SYN2: variants seen among roughly 807,000 people sequenced by gnomAD.
SYN2 encodes the protein synapsin-2.
In SYN2, 19 loss-of-function variants were observed where a neutral mutation model predicts 50.9. That is an observed-to-expected ratio of 0.37 (90% confidence interval 0.26 to 0.55). SYN2 has a LOEUF of 0.55. SYN2 is among the 20% of genes least tolerant of loss of function. The probability of loss-of-function intolerance (pLI) is 0.81; values close to 1 mark genes in which losing one functional copy is unlikely to be tolerated. For missense variants in SYN2, 587 were observed against 576.4 expected, an observed-to-expected ratio of 1.02 and a Z score of -0.19; for synonymous variants, 255 against 224.9, an observed-to-expected ratio of 1.13 and a Z score of -1.20.
intron 1 of SYN2, among the ~76,000 whole-genome samples, chr3:12,104,912 G>A (rs1696153198): frequency 6.6e-6 from 1 of 152,226 alleles, no homozygotes; most frequent in South Asian, 2.1e-4. Flanking sequence ...ACTTAGCGAA[G>A]AGGGAAGAGA....
chr3:12,140,408 T>C (rs954937480), intron 1 of SYN2, among the ~76,000 whole-genome samples: 2 of 152,186 alleles, frequency 1.3e-5, no homozygotes, highest in African/African-American at 4.8e-5. Context: ...ACCAGAGATG[T>C]TATAACAAAA....
chr3:12,054,861 A>G (rs1028944293), intron 1 of SYN2, among the ~76,000 whole-genome samples: 1 of 152,098 alleles, frequency 6.6e-6, no homozygotes, highest in Non-Finnish European at 1.5e-5. Context: ...TAACCCATAC[A>G]TTTGATAGTT....
intron 7 of SYN2, among the ~76,000 whole-genome samples, chr3:12,163,819 G>A (rs1697716677): frequency 6.6e-6 from 1 of 152,108 alleles, no homozygotes; most frequent in South Asian, 2.1e-4. Context: ...GCTCACATCT[G>A]TAATCCCAGC....
chr3:12,171,683 G>T (rs1039302292), intron 10 of SYN2, among the ~76,000 whole-genome samples: 1 of 152,188 alleles, frequency 6.6e-6, no homozygotes, highest in Admixed American at 6.5e-5. Flanking sequence ...CCTTGCCACT[G>T]CTTCACCAGG....
intron 1 of SYN2, among the ~76,000 whole-genome samples, chr3:12,110,670 G>A (rs1696291443): frequency 6.6e-6 from 1 of 152,190 alleles, no homozygotes; most frequent in Non-Finnish European, 1.5e-5. Context: ...TACAGCACAG[G>A]GACTCTGGCC....
At chr3:12,006,172 C>T (rs1185335118) in intron 1 of SYN2, among the ~76,000 whole-genome samples, 1 of 152,020 alleles carries the variant, frequency 6.6e-6, no homozygotes, top group Non-Finnish European at 1.5e-5. Context: ...GGAGTGCTGG[C>T]GTGTGGGTGT....
At chr3:12,053,671 T>C (rs902779960) in intron 1 of SYN2, among the ~76,000 whole-genome samples, 1 of 152,066 alleles carries the variant, frequency 6.6e-6, no homozygotes, top group African/African-American at 2.4e-5. Context: ...ACAGGACTTT[T>C]CCCCCCTAGA....
intron 12 of SYN2, among the ~76,000 whole-genome samples, chr3:12,188,733 C>T (rs1698392915): frequency 6.6e-6 from 1 of 152,132 alleles, no homozygotes; most frequent in Admixed American, 6.5e-5. Context: ...ATGGGAGGGG[C>T]ATCACCCACT....
At chr3:12,175,363 G>A (rs1480218387) in intron 10 of SYN2, among the ~76,000 whole-genome samples, 3 of 152,182 alleles carry the variant, frequency 2.0e-5, no homozygotes, top group Admixed American at 2.0e-4. Context: ...GTGAACCGAG[G>A]AACATTACCT....
chr3:12,185,549 G>C, intron 11 of SYN2: 2 of 985,860 alleles, frequency 2.0e-6, no homozygotes, highest in Non-Finnish European at 2.4e-6. Flanking sequence ...GGACATCTGT[G>C]TCACAGTATA....
intron 7 of SYN2, among the ~76,000 whole-genome samples, chr3:12,166,967 G>A (rs920705300): frequency 6.6e-6 from 1 of 152,368 alleles, no homozygotes; most frequent in South Asian, 2.1e-4. Flanking sequence ...TCTAAGGACA[G>A]TGAAAGGTCA....
chr3:12,056,322 C>T (rs1414426199), intron 1 of SYN2, among the ~76,000 whole-genome samples: 1 of 151,978 alleles, frequency 6.6e-6, no homozygotes, highest in East Asian at 1.9e-4. Flanking sequence ...ATTGAAGTTG[C>T]TCCTGGGGTG....
At chr3:12,018,099 T>C (rs1394584126) in intron 1 of SYN2, among the ~76,000 whole-genome samples, 2 of 152,154 alleles carry the variant, frequency 1.3e-5, no homozygotes, top group East Asian at 3.8e-4. Flanking sequence ...TTACCCAAGC[T>C]CAAATAGCCA....
At chr3:12,180,375 C>T (rs1265444088) in intron 10 of SYN2, among the ~76,000 whole-genome samples, 1 of 152,232 alleles carries the variant, frequency 6.6e-6, no homozygotes, top group Non-Finnish European at 1.5e-5. Context: ...GAAAGCTCTG[C>T]CTCTCAGTCT....
Position 12,186,945 on chromosome 3 carries a change from A to T in SYN2, c.1370-424A>T, listed in dbSNP as rs575537301. 3.3e-5 allele frequency among the ~76,000 whole-genome samples: 5 copies of T among 152,266 alleles called. No homozygotes were observed. The East Asian group carries it at 5.8e-4, about 18-fold the overall frequency. On this transcript the variant is annotated intron_variant, in intron 11 of 12. Transcript: ENST00000621198. ...GAGTCACTGGTAGACTATTTCTGAG[A>T]TCCAGTGCTCTCTCCACCACACTCT...
intron 1 of SYN2, among the ~76,000 whole-genome samples, chr3:12,136,654 T>C (rs1182843616): frequency 2.0e-5 from 3 of 152,200 alleles, no homozygotes; most frequent in African/African-American, 7.2e-5. Context: ...TGGATGGGAA[T>C]TGATGAAGGT....
At chr3:12,189,893 G>T (rs970168868) in intron 12 of SYN2, among the ~76,000 whole-genome samples, 5 of 152,220 alleles carry the variant, frequency 3.3e-5, no homozygotes, top group Non-Finnish European at 5.9e-5. Context: ...AATCAGAGAA[G>T]AGATCAGAAT....
At chr3:12,071,949 A>T (rs1320880281) in intron 1 of SYN2, among the ~76,000 whole-genome samples, 5 of 152,106 alleles carry the variant, frequency 3.3e-5, no homozygotes, top group Admixed American at 1.3e-4. Context: ...TAATCCTTTT[A>T]ATTTATGTAA....
chr3:12,164,785 T>C (rs989282969), intron 7 of SYN2, among the ~76,000 whole-genome samples: 1 of 152,142 alleles, frequency 6.6e-6, no homozygotes, highest in Non-Finnish European at 1.5e-5. Flanking sequence ...TTGGGGAGCT[T>C]TGCAAACTTT....
Sources: allele counts gnomAD v4.1 joint callset (sites outside exome capture counted in the v4.1 genomes callset), GRCh38; gene constraint gnomAD v4.1.1; transcripts MANE v1.5; gene names NCBI Gene and HGNC (gene_info 2026-07-23, HGNC 2026-07-21).